The following FBN1 variants were observed in gnomAD, a reference collection of about 807,000 sequenced individuals.
FBN1 encodes the protein fibrillin 1.
Under a neutral mutation model 365.1 loss-of-function variants are expected in FBN1, and 29 were observed. That is an observed-to-expected ratio of 0.08 (90% CI 0.06 to 0.11). The LOEUF (loss-of-function observed/expected upper bound fraction) is 0.11. FBN1 is among the 10% of genes least tolerant of loss of function. The pLI, the probability that FBN1 is intolerant of heterozygous loss-of-function variation, is 1.00. For synonymous variants in FBN1, 1,210 were observed against 1,270.5 expected (o/e 0.95, Z 1.01); for missense variants, 2,476 against 3,703.2 (o/e 0.67, Z 8.60).
rs565463181 is a variant in FBN1, at chr15:48,599,020, C to T, written c.442+1119G>A. 6.4e-4 allele frequency among the ~76,000 whole-genome samples: 97 copies of T among 152,264 alleles called. 1 individual carries two copies. Among genetic ancestry groups the T allele is most frequent in the Non-Finnish European group, 3.4e-4 (23 of 68,028 alleles). ...CATGTAAGACGTGACTTGTTGCTCC[C>T]TGCCTTCCACCATGATTATGAAGCC... On this transcript the variant is annotated intron_variant, in intron 5 of 65. Coordinates refer to ENST00000316623, the MANE Select transcript of FBN1 (RefSeq NM_000138.5).
Position 48,427,555 on chromosome 15 carries a change from T to A in FBN1, c.7204+12A>T. ...ATTCCCTGCAAGTATTTTTGGACTA[T>A]AAATGAAGTACCTGCTCCATTGGTC... On this transcript the variant is annotated intron_variant, in intron 58 of 65. Coordinates refer to ENST00000316623, the MANE Select transcript of FBN1 (RefSeq NM_000138.5). The A allele has an allele frequency of 6.2e-6, 10 of 1,610,200 alleles. No individual in the cohort carries two copies. The highest frequency in any genetic ancestry group is 8.5e-6 in the Non-Finnish European group (10 of 1,176,582).
rs555431463 is a variant in FBN1 at position 48,585,162 on chromosome 15, G to A, written c.538+11121C>T. ...CATCCTGTAAGGCTTCTCTTTCAGC[G>A]TGGTTCAGTGCCTACAATGGTAAAG... is the stretch of plus-strand genomic sequence containing the variant. On this transcript the variant is annotated intron_variant, in intron 6 of 65. Transcript: ENST00000316623. Among the ~76,000 whole-genome samples the A allele has an allele frequency of 5.3e-5, 8 of 152,254 alleles. No individual in the cohort carries two copies. The South Asian group carries it at 8.3e-4, about 16-fold the overall frequency.
rs772009116 is a variant in FBN1 at position 48,467,949 on chromosome 15, G to A, written c.4736C>T (p.Ala1579Val). The A allele has an allele frequency of 5.0e-6, 8 of 1,613,336 alleles. 1 individual carries two copies. In the South Asian group the frequency reaches 8.8e-5, roughly 18 times the overall value. ...AWGTPCEMCP[A>V]VNTSEYKILC... is the part of the protein sequence containing the mutation. ...GGATGTCCACTTACATGTGTTCACA[G>A]CAGGACACATCTCACAAGGAGTACC... is the stretch of plus-strand genomic sequence containing the variant. The change falls in exon 38 of 66, where the codon GCT becomes GTT. Residue 1579 changes from alanine (A) to valine (V), a missense_variant. Physicochemically the swap from Ala to Val is moderately conservative, Grantham distance 64. This residue lies in a region of FBN1 where 1,780 missense variants were observed against 2,840.8 expected (regional missense o/e 0.63). Transcript: ENST00000316623.
At chr15:48,575,842 C>T (rs1054450188) in intron 6 of FBN1, among the ~76,000 whole-genome samples, 1 of 148,542 alleles carries the variant, frequency 6.7e-6, no homozygotes, top group African/African-American at 2.5e-5. Context: ...CACACACACA[C>T]ACCATGGAAT....
At chr15:48,455,870 T>G (rs1188700102) in intron 44 of FBN1, among the ~76,000 whole-genome samples, 1 of 152,162 alleles carries the variant, frequency 6.6e-6, no homozygotes, top group East Asian at 1.9e-4. Flanking sequence ...TTGACATATG[T>G]GCTATAATAC....
chr15:48,411,806 G>T (rs1014906752), intron 65 of FBN1, among the ~76,000 whole-genome samples: 12 of 152,236 alleles, frequency 7.9e-5, no homozygotes, highest in Non-Finnish European at 1.2e-4. Context: ...TGTTTTAATA[G>T]ATTATGTTCT....
intron 6 of FBN1, among the ~76,000 whole-genome samples, chr15:48,575,319 ATATGTATGTATGTATGTATGTATG>A (rs56083230): frequency 1.1e-4 from 17 of 149,976 alleles, no homozygotes; most frequent in Admixed American, 2.0e-4. Flanking sequence ...ATGTATTTAC[ATATGTATGTATGTATGTATGTATG>A]TATGTATGTA....
chr15:48,412,715 G>C lies in FBN1; in HGVS notation c.8080C>G (p.Arg2694Gly), dbSNP rs200309328. 3 of 1,614,204 alleles carry C rather than the reference G, an allele frequency of 1.9e-6. No homozygotes were observed. Among genetic ancestry groups the C allele is most frequent in the Non-Finnish European group, 2.5e-6 (3 of 1,180,030 alleles). ...GHCVSGMGMG[R>G]GNPEPPVSGE... is the part of the protein sequence containing the mutation. ...CTGACAGGTGGCTCTGGGTTTCCTCGGCCCATGCCCATTCCAGAAACACAG... is the reference window on the plus strand; with the variant it reads ...CTGACAGGTGGCTCTGGGTTTCCTCCGCCCATGCCCATTCCAGAAACACAG... Residue 2694 changes from arginine to glycine, a missense_variant, in exon 65 of 66, where the codon CGA becomes GGA. Physicochemically the swap from Arg to Gly is moderately radical, Grantham distance 125. This residue lies in a region of FBN1 where 1,780 missense variants were observed against 2,840.8 expected (regional missense o/e 0.63). Coordinates refer to ENST00000316623, the MANE Select transcript of FBN1 (RefSeq NM_000138.5).
At chr15:48,498,847 C>T (rs2043631239) in intron 18 of FBN1, 138 bp downstream of exon 18, 1 of 880,358 alleles carries the variant, frequency 1.1e-6, no homozygotes, top group Non-Finnish European at 1.9e-6. Flanking sequence ...TTCTGAGCAT[C>T]CCAGATACAT....
At chr15:48,458,156 T>C (rs2043255138) in intron 43 of FBN1, among the ~76,000 whole-genome samples, 1 of 152,194 alleles carries the variant, frequency 6.6e-6, no homozygotes, top group Non-Finnish European at 1.5e-5. Flanking sequence ...GTTTACTTAT[T>C]ATAGTCAGGA....
intron 3 of FBN1, 131 bp from the exon 4 acceptor site, chr15:48,610,957 T>C: frequency 1.4e-6 from 1 of 727,390 alleles, no homozygotes. Context: ...TTATATGACC[T>C]TAAGCCTCAG....
In FBN1 at chr15:48,411,173, C is replaced by A. The variant is rs771873118; in HGVS notation, c.8433G>T (p.Gly2811=). ...DGFFKINQKE[G]ISYLHFTKKK... ...TCTTTGTGAAGTGGAGGTAGCTGAT[C>A]CCTTCCTTTTGGTTGATTTTAAAGA... The change falls in exon 66 of 66, where the codon GGG becomes GGT. Residue 2811 remains glycine, a synonymous_variant. Transcript: ENST00000316623. 1.9e-6 allele frequency: 3 copies of A among 1,614,082 alleles called. No homozygotes were observed. The South Asian group carries it at 3.3e-5, about 18-fold the overall frequency.
chr15:48,455,525 C>A (rs2043232171), intron 44 of FBN1, among the ~76,000 whole-genome samples: 1 of 152,200 alleles, frequency 6.6e-6, no homozygotes, highest in Admixed American at 6.5e-5. Flanking sequence ...GGGAGGCAGC[C>A]AACTCTAGCA....
At chr15:48,552,678 T>A (rs377171101) in intron 6 of FBN1, among the ~76,000 whole-genome samples, 14 of 152,262 alleles carry the variant, frequency 9.2e-5, no homozygotes, top group African/African-American at 3.4e-4. Flanking sequence ...TGTGGTTGGG[T>A]TTTGCATCAT....
chr15:48,452,094 G>A (rs2043205502), intron 45 of FBN1, among the ~76,000 whole-genome samples: 2 of 152,210 alleles, frequency 1.3e-5, no homozygotes, highest in South Asian at 4.1e-4. Context: ...TGTTTCTGCA[G>A]ATTAATCTGA....
rs794728182 is a variant in FBN1 at position 48,503,878 on chromosome 15, C to T, written c.2022G>A (p.Leu674=). 5 of 1,614,198 alleles carry T rather than the reference C, an allele frequency of 3.1e-6. No individual in the cohort carries two copies. The highest frequency in any genetic ancestry group is 4.2e-6 in the Non-Finnish European group (5 of 1,180,042). The change falls in exon 17 of 66, where the codon TTG becomes TTA. Residue 674 remains leucine (L), a synonymous_variant. Coordinates refer to ENST00000316623, the MANE Select transcript of FBN1 (RefSeq NM_000138.5). ...ATTCAGATTTAGTGACAGCACCAAACAAAGGTTTGATACACTGGCCTCTCT... is the reference window on the plus strand; with the variant it reads ...ATTCAGATTTAGTGACAGCACCAAATAAAGGTTTGATACACTGGCCTCTCT... The part of the protein sequence containing the change: ...GYKRGQCIKP[L]FGAVTKSECC...
chr15:48,626,501 A>T (rs1288136979), intron 2 of FBN1, among the ~76,000 whole-genome samples: 1 of 152,190 alleles, frequency 6.6e-6, no homozygotes, highest in African/African-American at 2.4e-5. Context: ...AGCAGTCAAC[A>T]GGCCATGGAT....
chr15:48,588,927 G>A (rs1597619971), intron 6 of FBN1, among the ~76,000 whole-genome samples: 1 of 152,180 alleles, frequency 6.6e-6, no homozygotes, highest in Non-Finnish European at 1.5e-5. Flanking sequence ...ACTGTCAAAT[G>A]CCTGGAAACT....
intron 6 of FBN1, among the ~76,000 whole-genome samples, chr15:48,548,613 C>T (rs1020362740): frequency 6.6e-6 from 1 of 152,178 alleles, no homozygotes; most frequent in African/African-American, 2.4e-5. Context: ...TACTCTGTTC[C>T]CTCTTACCAC....
Sources: gnomAD v4.1 joint callset for allele counts (sites outside exome capture counted in the v4.1 genomes callset) on GRCh38, gnomAD v4.1.1 for gene constraint, gnomAD v4.1.1 regional missense constraint, MANE v1.5 for transcripts, NCBI Gene and HGNC (gene_info 2026-07-23, HGNC 2026-07-21) for gene names.